NCOA2: variants seen among roughly 807,000 people sequenced by gnomAD.
NCOA2 encodes the protein nuclear receptor coactivator 2, also known as class E basic helix-loop-helix protein 75.
Under a neutral mutation model 145.1 loss-of-function variants are expected in NCOA2, and 21 were observed. The ratio of observed to expected loss-of-function variants is 0.14; its 90% CI spans 0.10 to 0.21. The LOEUF (loss-of-function observed/expected upper bound fraction) is 0.21, where lower values mean the gene tolerates loss of function less well. Ranked by LOEUF, NCOA2 falls within the 10% of genes least tolerant of loss-of-function variation. The pLI, the probability that NCOA2 is intolerant of heterozygous loss-of-function variation, is 1.00. For missense variants in NCOA2, 1,472 were observed against 1,837.6 expected (o/e 0.80, Z 3.64); for synonymous variants, 619 against 637.5 (o/e 0.97, Z 0.44).
intron 15 of NCOA2, among the ~76,000 whole-genome samples, chr8:70,133,301 T>G (rs963526402): frequency 6.6e-6 from 1 of 150,842 alleles, no homozygotes; most frequent in Non-Finnish European, 1.5e-5. Context: ...CACTACATCC[T>G]TGAACTCCTG....
At chr8:70,243,808 A>AC in intron 2 of NCOA2, among the ~76,000 whole-genome samples, 1 of 150,634 alleles carries the variant, frequency 6.6e-6, no homozygotes, top group East Asian at 1.9e-4. Flanking sequence ...AAAAAAAAAA[A>AC]GAATGTGGGA....
chr8:70,359,609 G>C (rs1563802922), intron 1 of NCOA2, among the ~76,000 whole-genome samples: 2 of 152,128 alleles, frequency 1.3e-5, no homozygotes, highest in Non-Finnish European at 2.9e-5. Context: ...GTTTCCATTT[G>C]CCATAATAAA....
chr8:70,270,325 G>A (rs80060347), intron 2 of NCOA2, among the ~76,000 whole-genome samples: 4,343 of 152,236 alleles, frequency 0.029, 210 homozygotes, highest in African/African-American at 0.099. Flanking sequence ...TGCAACAGCC[G>A]AAAAATTGTT....
At chr8:70,119,493 C>T (rs1010212707) in intron 22 of NCOA2, among the ~76,000 whole-genome samples, 5 of 152,164 alleles carry the variant, frequency 3.3e-5, no homozygotes, top group East Asian at 1.9e-4. Context: ...TGTATCTTTG[C>T]TATTGTGAAT....
At chr8:70,277,304 T>C (rs566462703) in intron 2 of NCOA2, among the ~76,000 whole-genome samples, 1 of 152,338 alleles carries the variant, frequency 6.6e-6, no homozygotes, top group African/African-American at 2.4e-5. Context: ...GAAACTTTAC[T>C]ATACATTACT....
At chr8:70,313,011 G>A (rs1467976160) in intron 1 of NCOA2, among the ~76,000 whole-genome samples, 1 of 152,102 alleles carries the variant, frequency 6.6e-6, no homozygotes, top group African/African-American at 2.4e-5. Context: ...GTACATCAGA[G>A]AAATAACATT....
intron 2 of NCOA2, chr8:70,273,629 G>A (rs1825240145): frequency 4.1e-6 from 3 of 737,014 alleles, no homozygotes; most frequent in Non-Finnish European, 7.3e-6. Flanking sequence ...CACCATTACA[G>A]GCTATACTGA....
At chr8:70,132,126 A>G in intron 15 of NCOA2, 124 bp from the exon 16 acceptor site, 1 of 916,830 alleles carries the variant, frequency 1.1e-6, no homozygotes, top group Non-Finnish European at 1.6e-6. Flanking sequence ...CTACTGTACC[A>G]ACTCAACACA....
intron 14 of NCOA2, among the ~76,000 whole-genome samples, chr8:70,140,592 A>AGT (rs1321194216): frequency 1.4e-3 from 150 of 103,500 alleles, no homozygotes; most frequent in African/African-American, 5.8e-3. Flanking sequence ...GTACCACCTA[A>AGT]GTTTTTTTTT....
chr8:70,365,872 C>G (rs1051819091), intron 1 of NCOA2, among the ~76,000 whole-genome samples: 1 of 152,190 alleles, frequency 6.6e-6, no homozygotes, highest in South Asian at 2.1e-4. Context: ...AGAAGATTAT[C>G]ACCCAGCAAA....
chr8:70,345,872 C>A (rs1020520162), intron 1 of NCOA2, among the ~76,000 whole-genome samples: 1 of 152,156 alleles, frequency 6.6e-6, no homozygotes, highest in Non-Finnish European at 1.5e-5. Context: ...GAACCAGGGT[C>A]CCATGTCCAA....
chr8:70,268,731 C>T (rs1171636833), intron 2 of NCOA2, among the ~76,000 whole-genome samples: 2 of 152,088 alleles, frequency 1.3e-5, no homozygotes, highest in East Asian at 1.9e-4. Context: ...TGAGTTAGTA[C>T]AAGTAAAACA....
chr8:70,386,798 T>A (rs1213089618), intron 1 of NCOA2, among the ~76,000 whole-genome samples: 1 of 152,194 alleles, frequency 6.6e-6, no homozygotes, highest in East Asian at 1.9e-4. Context: ...AGTGTTATTA[T>A]CCCCATCCAA....
chr8:70,279,550 A>G (rs1563715848), intron 2 of NCOA2, among the ~76,000 whole-genome samples: 1 of 152,212 alleles, frequency 6.6e-6, no homozygotes, highest in Admixed American at 6.5e-5. Context: ...AACACATGCA[A>G]GCAACCCTCC....
chr8:70,420,489 T>C, the NCOA2 span, among the ~76,000 whole-genome samples: 1 of 152,126 alleles, frequency 6.6e-6, no homozygotes, highest in African/African-American at 2.4e-5. Context: ...AAGCAACCGA[T>C]GGCATGTTCT....
intron 1 of NCOA2, among the ~76,000 whole-genome samples, chr8:70,352,080 C>T (rs1809299873): frequency 6.6e-6 from 1 of 152,046 alleles, no homozygotes; most frequent in Non-Finnish European, 1.5e-5. Context: ...ATTACTCTTA[C>T]ACTTCATACT....
At chr8:70,234,252 A>G (rs1821402645) in intron 2 of NCOA2, among the ~76,000 whole-genome samples, 1 of 152,152 alleles carries the variant, frequency 6.6e-6, no homozygotes, top group African/African-American at 2.4e-5. Flanking sequence ...TTGTTTACCC[A>G]TTACTCAGTG....
intron 2 of NCOA2, among the ~76,000 whole-genome samples, chr8:70,257,108 G>A (rs1038429143): frequency 6.6e-6 from 1 of 152,182 alleles, no homozygotes; most frequent in African/African-American, 2.4e-5. Context: ...TCAGAGAGAG[G>A]TCTGGTAGTT....
intron 2 of NCOA2, among the ~76,000 whole-genome samples, chr8:70,220,384 T>G (rs887849274): frequency 1.3e-5 from 2 of 152,188 alleles, no homozygotes; most frequent in Admixed American, 1.3e-4. Context: ...TTCTACCAGA[T>G]GTTGGGGGTT....
Sources: gnomAD v4.1 joint callset for allele counts (sites outside exome capture counted in the v4.1 genomes callset) on GRCh38, gnomAD v4.1.1 for gene constraint, MANE v1.5 for transcripts, NCBI Gene and HGNC (gene_info 2026-07-23, HGNC 2026-07-21) for gene names.